PYHIN1: variants seen among roughly 807,000 people sequenced by gnomAD.
PYHIN1 encodes the protein pyrin and HIN domain-containing protein 1.
In PYHIN1, 32 loss-of-function variants were observed where a neutral mutation model predicts 43.7. The observed-to-expected ratio is 0.73, with a 90% CI of 0.55 to 0.98. The LOEUF (loss-of-function observed/expected upper bound fraction) is 0.98. Ranked by LOEUF, PYHIN1 falls within the 50% of genes least tolerant of loss-of-function variation. The pLI, the probability that PYHIN1 is intolerant of heterozygous loss-of-function variation, is 0.00. For missense variants in PYHIN1, 588 were observed against 589.5 expected, an observed-to-expected ratio of 1.00 and a Z score of 0.03; for synonymous variants, 205 against 203.1, an observed-to-expected ratio of 1.01 and a Z score of -0.08.
At chr1:158,953,657 A>T (rs1335375329) in intron 7 of PYHIN1, among the ~76,000 whole-genome samples, 2 of 152,214 alleles carry the variant, frequency 1.3e-5, no homozygotes, top group East Asian at 3.8e-4. Flanking sequence ...GGGAAAAAAC[A>T]GAACAGAAAA....
chr1:158,987,099 T>C, the PYHIN1 span, among the ~76,000 whole-genome samples: 1 of 152,218 alleles, frequency 6.6e-6, no homozygotes, highest in African/African-American at 2.4e-5. Flanking sequence ...TTGTTGATAC[T>C]AGACATCCTA....
At chr1:158,957,292 G>A (rs1222810509) in intron 7 of PYHIN1, among the ~76,000 whole-genome samples, 2 of 151,528 alleles carry the variant, frequency 1.3e-5, no homozygotes, top group African/African-American at 4.9e-5. Flanking sequence ...AGCCCGCATT[G>A]CCAAGGCAAT....
chr1:158,964,739 A>C (rs372114093), intron 7 of PYHIN1, among the ~76,000 whole-genome samples: 71 of 152,258 alleles, frequency 4.7e-4, no homozygotes, highest in African/African-American at 1.6e-3. Flanking sequence ...TGAAAGGAAC[A>C]CTAAGTATGA....
intron 7 of PYHIN1, among the ~76,000 whole-genome samples, chr1:158,952,699 A>C (rs957482289): frequency 9.9e-5 from 15 of 152,166 alleles, no homozygotes; most frequent in Non-Finnish European, 1.9e-4. Context: ...TGTTACTGGG[A>C]CCCATTGCCC....
At chr1:158,949,166 C>T (rs1649384805) in intron 7 of PYHIN1, among the ~76,000 whole-genome samples, 1 of 152,074 alleles carries the variant, frequency 6.6e-6, no homozygotes, top group African/African-American at 2.4e-5. Flanking sequence ...AACCCATCCC[C>T]CCATCAGCCC....
intron 4 of PYHIN1, chr1:158,939,762 CTTCT>C: frequency 1.9e-6 from 1 of 536,974 alleles, no homozygotes; most frequent in Non-Finnish European, 3.3e-6. Flanking sequence ...TTCCTAGGAA[CTTCT>C]TTCTTTTCTA....
chr1:158,949,533 T>TC (rs1209187173), intron 7 of PYHIN1, among the ~76,000 whole-genome samples: 3 of 76,526 alleles, frequency 3.9e-5, no homozygotes, highest in African/African-American at 1.6e-4. Context: ...CCCTTCCCCC[T>TC]CCCCCCACCC....
At chr1:158,962,089 C>T (rs936450724) in intron 7 of PYHIN1, among the ~76,000 whole-genome samples, 5 of 152,306 alleles carry the variant, frequency 3.3e-5, no homozygotes, top group East Asian at 1.9e-4. Context: ...GCCATTGTCA[C>T]GGCTGCCTTC....
chr1:158,954,622 A>G (rs1649801640), intron 7 of PYHIN1, among the ~76,000 whole-genome samples: 1 of 149,860 alleles, frequency 6.7e-6, no homozygotes, highest in Non-Finnish European at 1.5e-5. Context: ...GGAAAGTAAC[A>G]ACGGGTACCA....
intron 7 of PYHIN1, among the ~76,000 whole-genome samples, chr1:158,947,407 A>AGGT: frequency 6.6e-6 from 1 of 152,268 alleles, no homozygotes; most frequent in Admixed American, 6.5e-5. Flanking sequence ...GCCATACCTC[A>AGGT]GGTTTTATTT....
intron 7 of PYHIN1, among the ~76,000 whole-genome samples, chr1:158,953,775 A>G (rs1468739957): frequency 3.3e-5 from 5 of 152,240 alleles, no homozygotes; most frequent in Non-Finnish European, 4.4e-5. Flanking sequence ...AGCTGAGAAA[A>G]GAAGGCTTCA....
intron 8 of PYHIN1, among the ~76,000 whole-genome samples, chr1:158,974,955 G>A (rs1250850130): frequency 1.3e-5 from 2 of 151,976 alleles, no homozygotes; most frequent in Non-Finnish European, 2.9e-5. Flanking sequence ...GCTTTGAAGG[G>A]ACTACGCAAA....
chr1:158,953,874 A>G (rs1251765680), intron 7 of PYHIN1, among the ~76,000 whole-genome samples: 1 of 148,324 alleles, frequency 6.7e-6, no homozygotes, highest in Non-Finnish European at 1.5e-5. Context: ...AAGAATGTAT[A>G]ACTAGAATAA....
chr1:158,948,243 C>T (rs1206002509), intron 7 of PYHIN1, among the ~76,000 whole-genome samples: 3 of 152,206 alleles, frequency 2.0e-5, no homozygotes, highest in Admixed American at 2.0e-4. Flanking sequence ...CCCCCAGGAA[C>T]AGGTGTCAAA....
At chr1:158,961,735 C>T (rs1650329576) in intron 7 of PYHIN1, among the ~76,000 whole-genome samples, 1 of 152,114 alleles carries the variant, frequency 6.6e-6, no homozygotes, top group Non-Finnish European at 1.5e-5. Flanking sequence ...CTGGAGCCTT[C>T]AGATTGAGAG....
intron 6 of PYHIN1, 152 bp from the exon 7 acceptor site, chr1:158,944,723 C>A: frequency 2.1e-6 from 1 of 467,982 alleles, no homozygotes; most frequent in Non-Finnish European, 3.6e-6. Flanking sequence ...AATATATTGG[C>A]AGTTGCCTGG....
At chr1:158,959,888 C>G (rs1650226880) in intron 7 of PYHIN1, among the ~76,000 whole-genome samples, 1 of 152,114 alleles carries the variant, frequency 6.6e-6, no homozygotes, top group Non-Finnish European at 1.5e-5. Context: ...TCCAGATTAC[C>G]TTTTCCTCTG....
At chr1:158,960,905 T>C (rs1650281422) in intron 7 of PYHIN1, among the ~76,000 whole-genome samples, 1 of 152,184 alleles carries the variant, frequency 6.6e-6, no homozygotes, top group Non-Finnish European at 1.5e-5. Context: ...ACTCAAGATG[T>C]TTTTGTCAAT....
Position 158,973,672 on chromosome 1 carries a change from A to T in PYHIN1, c.1385A>T (p.Gln462Leu). Reference protein sequence around the residue: ...TKKDETHPGAQSSPANFRITS... With the variant: ...TKKDETHPGALSSPANFRITS... ...AAGGATGAAACCCACCCAGGAGCAC[A>T]GTCATCGCCTGCAAACTTTAGAATC... The change falls in exon 8 of 9, where the codon CAG becomes CTG. Residue 462 changes from glutamine (Q) to leucine (L), a missense_variant. Physicochemically the swap from Gln to Leu is moderately radical, Grantham distance 113. Coordinates refer to ENST00000368140, the MANE Select transcript of PYHIN1 (RefSeq NM_152501.5). The T allele has an allele frequency of 6.2e-7, 1 of 1,613,240 alleles. No homozygotes were observed. The highest frequency in any genetic ancestry group is 8.5e-7 in the Non-Finnish European group (1 of 1,179,454).
Sources: gnomAD v4.1 joint callset for allele counts (sites outside exome capture counted in the v4.1 genomes callset) on GRCh38, gnomAD v4.1.1 for gene constraint, MANE v1.5 for transcripts, NCBI Gene and HGNC (gene_info 2026-07-23, HGNC 2026-07-21) for gene names.